PRKN: variants seen among roughly 807,000 people sequenced by gnomAD.
The protein encoded by PRKN is parkin RBR E3 ubiquitin protein ligase.
In PRKN, 56 loss-of-function variants were observed where a neutral mutation model predicts 59.5. That is an observed-to-expected ratio of 0.94 (90% CI 0.76 to 1.18). PRKN has a LOEUF of 1.18. Ranked by LOEUF, PRKN falls within the 50% of genes most tolerant of loss-of-function variation. PRKN has a pLI of 0.00. For synonymous variants in PRKN, 250 were observed against 222.1 expected (o/e 1.13, Z -1.12); for missense variants, 657 against 596.4 (o/e 1.10, Z -1.06).
chr6:161,358,187 A>G (rs1392203454), intron 11 of PRKN, among the ~76,000 whole-genome samples: 1 of 152,184 alleles, frequency 6.6e-6, no homozygotes, highest in Non-Finnish European at 1.5e-5. Context: ...ATAGATTTTC[A>G]AAGGTAGAAT....
At chr6:162,694,349 T>G (rs1424865777) in intron 1 of PRKN, among the ~76,000 whole-genome samples, 1 of 151,792 alleles carries the variant, frequency 6.6e-6, no homozygotes, top group African/African-American at 2.4e-5. Context: ...ATGGCAGAGA[T>G]AGCAGTGATA....
chr6:161,749,124 G>A (rs566569561), intron 7 of PRKN, among the ~76,000 whole-genome samples: 10 of 152,120 alleles, frequency 6.6e-5, no homozygotes, highest in Non-Finnish European at 1.5e-4. Context: ...AAGCAGGTAC[G>A]CCTAAGCTTC....
intron 7 of PRKN, among the ~76,000 whole-genome samples, chr6:161,777,779 G>GTA (rs199872783): frequency 1.4e-4 from 20 of 138,162 alleles, no homozygotes; most frequent in Middle Eastern, 3.8e-3. Context: ...ATGTATATAT[G>GTA]TATATGTATA....
chr6:162,193,369 T>A (rs2128327518), intron 4 of PRKN, among the ~76,000 whole-genome samples: 1 of 152,306 alleles, frequency 6.6e-6, no homozygotes, highest in African/African-American at 2.4e-5. Flanking sequence ...GCTGGGTTTC[T>A]CCCTCTTCGC....
At chr6:161,406,216 AC>A (rs1787270044) in intron 9 of PRKN, among the ~76,000 whole-genome samples, 1 of 141,324 alleles carries the variant, frequency 7.1e-6, no homozygotes, top group South Asian at 2.3e-4. Flanking sequence ...ACACATATAT[AC>A]ATATATATAT....
chr6:161,985,132 G>C (rs1781389869), intron 5 of PRKN, among the ~76,000 whole-genome samples: 1 of 152,206 alleles, frequency 6.6e-6, no homozygotes, highest in South Asian at 2.1e-4. Flanking sequence ...CTTATGCGAT[G>C]TCATCTGCTC....
At chr6:162,116,825 A>T (rs1444272071) in intron 4 of PRKN, among the ~76,000 whole-genome samples, 1 of 152,198 alleles carries the variant, frequency 6.6e-6, no homozygotes. Flanking sequence ...TGACTGATGG[A>T]GCTGAAATAT....
rs1194606305 is a variant in PRKN at position 161,440,015 on chromosome 6, A to C, written c.1084-53138T>G. ...GCCCAGGCTGGAGTGCAGTGGCGCGATCTCGGCTCACTGCAAGCTCCACCT... is the reference window on the plus strand; with the variant it reads ...GCCCAGGCTGGAGTGCAGTGGCGCGCTCTCGGCTCACTGCAAGCTCCACCT... On this transcript the variant is annotated intron_variant, in intron 9 of 11. Transcript: ENST00000366898. The surrounding 1 kb of genome is among the most constrained non-coding windows in gnomAD (Gnocchi z 4.1). 6.7e-6 allele frequency among the ~76,000 whole-genome samples: 1 copy of C among 150,316 alleles called. No individual in the cohort carries two copies. The highest frequency in any genetic ancestry group is 2.5e-5 in the African/African-American group (1 of 40,720).
intron 6 of PRKN, among the ~76,000 whole-genome samples, chr6:161,926,337 T>G (rs1778969398): frequency 6.6e-6 from 1 of 152,162 alleles, no homozygotes. Context: ...ATGATTCCTT[T>G]GTAGCGGGAG....
intron 7 of PRKN, among the ~76,000 whole-genome samples, chr6:161,710,588 G>T (rs1470042616): frequency 1.3e-5 from 2 of 152,096 alleles, no homozygotes; most frequent in Admixed American, 1.3e-4. Context: ...TCATAAGAAT[G>T]ATTTGATGAT....
At chr6:162,318,402 A>T (rs1782837951) in intron 2 of PRKN, among the ~76,000 whole-genome samples, 1 of 152,040 alleles carries the variant, frequency 6.6e-6, no homozygotes, top group Non-Finnish European at 1.5e-5. Flanking sequence ...ACATTTAGCT[A>T]CTATGAATTA....
chr6:162,110,817 A>G (rs141976470), intron 4 of PRKN, among the ~76,000 whole-genome samples: 1 of 152,304 alleles, frequency 6.6e-6, no homozygotes, highest in East Asian at 1.9e-4. Context: ...ATGGGATGTA[A>G]TGTAAAGTAC....
intron 4 of PRKN, among the ~76,000 whole-genome samples, chr6:162,178,330 T>C (rs930177886): frequency 2.0e-5 from 3 of 152,220 alleles, no homozygotes; most frequent in Admixed American, 6.5e-5. Context: ...CATGCTTAAT[T>C]CAATGAGCAA....
chr6:161,898,579 G>A (rs567965048), intron 6 of PRKN, among the ~76,000 whole-genome samples: 14 of 152,336 alleles, frequency 9.2e-5, no homozygotes, highest in South Asian at 4.1e-4. Flanking sequence ...TCATGCAGAT[G>A]ATTACTAAAT....
At chr6:162,594,049 C>T (rs1781404426) in intron 1 of PRKN, among the ~76,000 whole-genome samples, 1 of 152,020 alleles carries the variant, frequency 6.6e-6, no homozygotes, top group African/African-American at 2.4e-5. Context: ...ACTAAGGAGG[C>T]TGAGGCAGGA....
rs1784978868 is a variant in PRKN at position 161,361,621 on chromosome 6, C to T, written c.1168-1416G>A. 6.6e-6 allele frequency among the ~76,000 whole-genome samples: 1 copy of T among 152,178 alleles called. No individual in the cohort carries two copies. The highest frequency in any genetic ancestry group is 6.5e-5 in the Admixed American group (1 of 15,282). On this transcript the variant is annotated intron_variant, in intron 10 of 11. Transcript: ENST00000366898. The surrounding 1 kb of genome is among the most constrained non-coding windows in gnomAD (Gnocchi z 5.2). The stretch of plus-strand genomic sequence containing the variant: ...GGTATCCCTGACAGTGGTGGGGGCA[C>T]CACAGACAAGCTTTGCCTAGGGCTG...
rs1386636322 is a variant in PRKN at position 161,390,686 on chromosome 6, A to G, written c.1084-3809T>C. On this transcript the variant is annotated intron_variant, in intron 9 of 11. Transcript: ENST00000366898. The surrounding 1 kb of genome is among the most constrained non-coding windows in gnomAD (Gnocchi z 7.0). ...GTATTTTTAGTAAAGACGGGATTTC[A>G]CCATGTTGGTCAGGCTGGTCTTGAA... 6.6e-6 allele frequency among the ~76,000 whole-genome samples: 1 copy of G among 151,912 alleles called. No individual in the cohort carries two copies. Among genetic ancestry groups the G allele is most frequent in the East Asian group, 1.9e-4 (1 of 5,162 alleles).
At chr6:162,312,938 C>T (rs1219930953) in intron 2 of PRKN, among the ~76,000 whole-genome samples, 3 of 151,674 alleles carry the variant, frequency 2.0e-5, no homozygotes, top group Admixed American at 6.6e-5. Context: ...CACTAGATGC[C>T]AGAAGAAAAT....
At chr6:161,686,075 CAA>C (rs34114820) in intron 7 of PRKN, among the ~76,000 whole-genome samples, 72,563 of 128,622 alleles carry the variant, frequency 0.56, 18,915 homozygotes, top group Middle Eastern at 0.57. Context: ...TAGAAAACAG[CAA>C]AAAAAAAAAA....
Sources: gnomAD v4.1 joint callset for allele counts (sites outside exome capture counted in the v4.1 genomes callset) on GRCh38, gnomAD v4.1.1 for gene constraint, Gnocchi (gnomAD v3.1) non-coding constraint, MANE v1.5 for transcripts, NCBI Gene and HGNC (gene_info 2026-07-23, HGNC 2026-07-21) for gene names.